Variants in ZDHHC14 observed in about 807,000 individuals in gnomAD.
The protein encoded by ZDHHC14 is palmitoyltransferase ZDHHC14.
In ZDHHC14, 16 loss-of-function variants were observed where a neutral mutation model predicts 47.7. The ratio of observed to expected loss-of-function variants is 0.34; its 90% confidence interval spans 0.23 to 0.51. The LOEUF (loss-of-function observed/expected upper bound fraction) is 0.51, where lower values mean the gene tolerates loss of function less well. Ranked by LOEUF, ZDHHC14 falls within the 20% of genes least tolerant of loss-of-function variation. The pLI, the probability that ZDHHC14 is intolerant of heterozygous loss-of-function variation, is 0.97. For synonymous variants in ZDHHC14, 293 were observed against 278.9 expected, an observed-to-expected ratio of 1.05 and a Z score of -0.50; for missense variants, 515 against 662.5, an observed-to-expected ratio of 0.78 and a Z score of 2.44.
intron 1 of ZDHHC14, among the ~76,000 whole-genome samples, chr6:157,526,452 T>C (rs1222678237): frequency 6.6e-6 from 1 of 152,130 alleles, no homozygotes; most frequent in South Asian, 2.1e-4. Context: ...GGTATGGAAG[T>C]GAGTCAGGTT....
At chr6:157,437,702 A>G (rs1190908234) in intron 1 of ZDHHC14, among the ~76,000 whole-genome samples, 1 of 152,238 alleles carries the variant, frequency 6.6e-6, no homozygotes, top group Non-Finnish European at 1.5e-5. Flanking sequence ...AAAGGCTACT[A>G]ACTCTTCTCT....
rs1463622585 is a variant in ZDHHC14, at chr6:157,677,815, G to T, written c.*4693G>T. ...ATGTCCAAGGAGACATGCTTTCTGGGTTCTATATGAATAGAGATGGTTTTA... is the reference window on the plus strand; with the variant it reads ...ATGTCCAAGGAGACATGCTTTCTGGTTTCTATATGAATAGAGATGGTTTTA... On this transcript the variant is annotated 3_prime_UTR_variant, in exon 9 of 9. Coordinates refer to ENST00000359775, the MANE Select transcript of ZDHHC14 (RefSeq NM_024630.3). 1 of 146,398 alleles carries T rather than the reference G, an allele frequency of 6.8e-6. No homozygotes were observed. The highest frequency in any genetic ancestry group is 1.5e-5 in the Non-Finnish European group (1 of 67,156). 9.1% of individuals were successfully genotyped at this position (146,398 alleles called of 1,614,324 possible). A position where few individuals can be genotyped will look rare whatever the true frequency, so the allele number is the denominator to read the frequency against.
chr6:157,515,533 C>G (rs1157260832), intron 1 of ZDHHC14, among the ~76,000 whole-genome samples: 2 of 150,484 alleles, frequency 1.3e-5, no homozygotes, highest in Non-Finnish European at 3.0e-5. Flanking sequence ...GCGCTATCTC[C>G]GCTCACTGCA....
At chr6:157,646,958 G>A (rs922026258) in intron 6 of ZDHHC14, among the ~76,000 whole-genome samples, 14 of 152,074 alleles carry the variant, frequency 9.2e-5, no homozygotes, top group African/African-American at 3.4e-4. Flanking sequence ...TTATTATTTA[G>A]GGCACTAAAT....
intron 3 of ZDHHC14, among the ~76,000 whole-genome samples, chr6:157,621,088 A>G (rs1055070472): frequency 6.6e-6 from 1 of 152,232 alleles, no homozygotes; most frequent in African/African-American, 2.4e-5. Context: ...CATCGGACAC[A>G]GTAGCAAAGC....
At chr6:157,660,733 T>C (rs1334699574) in intron 8 of ZDHHC14, among the ~76,000 whole-genome samples, 2 of 152,224 alleles carry the variant, frequency 1.3e-5, no homozygotes, top group African/African-American at 4.8e-5. Context: ...ATGACTTTAA[T>C]TGGCAGCCAC....
intron 1 of ZDHHC14, among the ~76,000 whole-genome samples, chr6:157,418,752 T>C (rs532426257): frequency 1.8e-4 from 28 of 152,300 alleles, no homozygotes; most frequent in African/African-American, 6.3e-4. Context: ...TCCAGAAACA[T>C]TTTAGTGAGT....
chr6:157,622,551 C>G (rs1440033149), intron 3 of ZDHHC14, among the ~76,000 whole-genome samples: 2 of 152,114 alleles, frequency 1.3e-5, no homozygotes, highest in Admixed American at 1.3e-4. Flanking sequence ...ACTTGCATTC[C>G]ACTGTAGCCT....
intron 5 of ZDHHC14, among the ~76,000 whole-genome samples, chr6:157,642,066 A>ATAGATAGATAGATAGT (rs552956844): frequency 9.9e-4 from 147 of 147,824 alleles, no homozygotes; most frequent in East Asian, 2.2e-3. Flanking sequence ...AGATAGATAG[A>ATAGATAGATAGATAGT]TAGTTATCAT....
At chr6:157,384,162 G>T (rs1490064541) in intron 1 of ZDHHC14, among the ~76,000 whole-genome samples, 1 of 152,146 alleles carries the variant, frequency 6.6e-6, no homozygotes, top group African/African-American at 2.4e-5. Flanking sequence ...GGAGAAAATG[G>T]GTTAATTTTG....
chr6:157,401,300 TTTTTC>T (rs1316992146), intron 1 of ZDHHC14, among the ~76,000 whole-genome samples: 1 of 152,230 alleles, frequency 6.6e-6, no homozygotes, highest in Non-Finnish European at 1.5e-5. Flanking sequence ...AAATAATACT[TTTTTC>T]TTGTTAACTA....
At chr6:157,669,757 C>T (rs1778710012) in intron 8 of ZDHHC14, among the ~76,000 whole-genome samples, 1 of 152,216 alleles carries the variant, frequency 6.6e-6, no homozygotes, top group Admixed American at 6.5e-5. Flanking sequence ...AAACAAGATG[C>T]CTTGGTCCAG....
Position 157,654,519 on chromosome 6 carries a change from A to T in ZDHHC14, c.1068+892A>T, listed in dbSNP as rs998246735. On this transcript the variant is annotated intron_variant, in intron 8 of 8. Transcript: ENST00000359775. ...CAGATCAGAGACCTGACTTTCAGGT[A>T]GACTGGACGTGGGCAGCAGCCCAGA... 2.6e-5 allele frequency among the ~76,000 whole-genome samples: 4 copies of T among 152,240 alleles called. 1 individual carries two copies. The highest frequency in any genetic ancestry group is 6.5e-5 in the Admixed American group (1 of 15,296).
intron 2 of ZDHHC14, among the ~76,000 whole-genome samples, chr6:157,566,292 C>A (rs1782899496): frequency 6.6e-6 from 1 of 152,156 alleles, no homozygotes; most frequent in Non-Finnish European, 1.5e-5. Context: ...CTAGCCGAAT[C>A]CAGACTGTCA....
chr6:157,408,882 A>G lies in ZDHHC14; in HGVS notation c.245+26616A>G, dbSNP rs183161294. On this transcript the variant is annotated intron_variant, in intron 1 of 8. Transcript: ENST00000359775. ...TTCTAGATCTTTGAAGAATTGCCAC[A>G]CTGTCTTCCTCCCTGCTTATAATTT... Among the ~76,000 whole-genome samples, 14 of 152,268 alleles carry G rather than the reference A, an allele frequency of 9.2e-5. No individual in the cohort carries two copies. The East Asian group carries it at 2.1e-3, about 23-fold the overall frequency.
At chr6:157,391,014 G>T (rs1777409612) in intron 1 of ZDHHC14, among the ~76,000 whole-genome samples, 1 of 152,186 alleles carries the variant, frequency 6.6e-6, no homozygotes, top group South Asian at 2.1e-4. Context: ...ACTAGTGTGT[G>T]TGAGTCAATC....
intron 1 of ZDHHC14, among the ~76,000 whole-genome samples, chr6:157,456,025 T>C (rs1337400005): frequency 6.6e-6 from 1 of 152,176 alleles, no homozygotes; most frequent in South Asian, 2.1e-4. Context: ...AATGGGAGTT[T>C]TGCTTTTTCG....
At chr6:157,539,516 G>A (rs1011988103) in intron 1 of ZDHHC14, among the ~76,000 whole-genome samples, 5 of 152,338 alleles carry the variant, frequency 3.3e-5, no homozygotes, top group South Asian at 4.1e-4. Context: ...GCAAAACAGC[G>A]TGGAAGGAAG....
At chr6:157,515,979 G>A (rs1241126645) in intron 1 of ZDHHC14, among the ~76,000 whole-genome samples, 1 of 152,116 alleles carries the variant, frequency 6.6e-6, no homozygotes, top group Non-Finnish European at 1.5e-5. Context: ...CAGGCAAGGC[G>A]TGAAATAGAA....
Sources: allele counts gnomAD v4.1 joint callset (sites outside exome capture counted in the v4.1 genomes callset), GRCh38; gene constraint gnomAD v4.1.1; transcripts MANE v1.5; gene names NCBI Gene and HGNC (gene_info 2026-07-23, HGNC 2026-07-21).